Variants in TNFAIP8 observed in about 807,000 individuals in gnomAD.
TNFAIP8 encodes tumor necrosis factor alpha-induced protein 8.
TNFAIP8 carries 7 observed loss-of-function variants against 13.3 expected under a neutral mutation model. The ratio of observed to expected loss-of-function variants is 0.52; its 90% confidence interval spans 0.30 to 0.99. TNFAIP8 has a LOEUF of 0.99. Among genes scored for constraint, TNFAIP8 ranks in the 50% least tolerant of loss-of-function variants. TNFAIP8 has a pLI of 0.07. For missense variants in TNFAIP8, 258 were observed against 236.9 expected (o/e 1.09, Z -0.58); for synonymous variants, 94 against 87.6 (o/e 1.07, Z -0.41).
chr5:119,374,712 G>A (rs145621064), intron 1 of TNFAIP8, among the ~76,000 whole-genome samples: 60 of 152,288 alleles, frequency 3.9e-4, no homozygotes, highest in African/African-American at 1.3e-3. Context: ...ATATGCCTAC[G>A]GGAGCCAGGA....
chr5:119,377,406 T>TTA (rs1752324535), intron 1 of TNFAIP8, among the ~76,000 whole-genome samples: 1 of 148,676 alleles, frequency 6.7e-6, no homozygotes, highest in Non-Finnish European at 1.5e-5. Context: ...AAATAAGAAG[T>TTA]AAAAAAAAAA....
chr5:119,393,236 C>T lies in TNFAIP8; in HGVS notation c.452C>T (p.Ser151Leu). 6.2e-7 allele frequency: 1 copy of T among 1,613,998 alleles called. No homozygotes were observed. The highest frequency in any genetic ancestry group is 8.5e-7 in the Non-Finnish European group (1 of 1,179,898). ...QIIQRHLTAK[S>L]HGRVNNVFDH... ...ATTCAGCGCCACCTCACTGCCAAGT[C>T]ACATGGACGGGTTAATAATGTGTTT... is the stretch of plus-strand genomic sequence containing the variant. The change falls in exon 2 of 2, where the codon TCA becomes TTA. Residue 151 changes from serine to leucine, a missense_variant. By Grantham distance (145) the Ser-to-Leu change is moderately radical. Coordinates refer to ENST00000504771, the MANE Select transcript of TNFAIP8 (RefSeq NM_014350.4).
At chr5:119,271,902 C>T (rs1748305608) in intron 1 of TNFAIP8, among the ~76,000 whole-genome samples, 1 of 152,178 alleles carries the variant, frequency 6.6e-6, no homozygotes, top group Non-Finnish European at 1.5e-5. Flanking sequence ...TTATGTTTCC[C>T]TCTGGCTAAG....
intron 1 of TNFAIP8, among the ~76,000 whole-genome samples, chr5:119,305,080 T>C (rs1749510733): frequency 2.0e-5 from 3 of 152,180 alleles, no homozygotes; most frequent in Admixed American, 1.3e-4. Context: ...GGAAGAGCTA[T>C]TGGAAGTGTA....
At chr5:119,330,367 TG>T (rs1199954084) in intron 1 of TNFAIP8, among the ~76,000 whole-genome samples, 1 of 152,190 alleles carries the variant, frequency 6.6e-6, no homozygotes, top group Non-Finnish European at 1.5e-5. Context: ...CAGACACAAA[TG>T]TCATCACTCT....
chr5:119,379,261 C>T (rs749023191), intron 1 of TNFAIP8, among the ~76,000 whole-genome samples: 13 of 152,146 alleles, frequency 8.5e-5, no homozygotes, highest in Admixed American at 6.5e-5. Context: ...TAGTGCACCC[C>T]ATGCTAGCTG....
chr5:119,388,698 G>A (rs6888229), intron 1 of TNFAIP8, among the ~76,000 whole-genome samples: 2,707 of 152,090 alleles, frequency 0.018, 77 homozygotes, highest in African/African-American at 0.061. Flanking sequence ...GAGTACAGTG[G>A]CATGATTATA....
intron 1 of TNFAIP8, among the ~76,000 whole-genome samples, chr5:119,308,608 G>A (rs1749637173): frequency 6.6e-6 from 1 of 152,000 alleles, no homozygotes; most frequent in African/African-American, 2.4e-5. Flanking sequence ...GCTCATGCCT[G>A]TAATCCACCA....
intron 1 of TNFAIP8, among the ~76,000 whole-genome samples, chr5:119,272,622 C>T (rs1561977097): frequency 6.6e-6 from 1 of 152,216 alleles, no homozygotes; most frequent in East Asian, 1.9e-4. Flanking sequence ...TTACATCAGA[C>T]ATAAGTTACC....
intron 1 of TNFAIP8, among the ~76,000 whole-genome samples, chr5:119,307,327 G>T (rs545687833): frequency 1.1e-4 from 16 of 152,002 alleles, no homozygotes. Context: ...AAACAACCAC[G>T]TTTATATGTC....
At chr5:119,385,850 A>G (rs1045747405) in intron 1 of TNFAIP8, among the ~76,000 whole-genome samples, 4 of 152,242 alleles carry the variant, frequency 2.6e-5, no homozygotes, top group African/African-American at 9.6e-5. Context: ...TCTTTAACCT[A>G]TGAAGAAGGC....
At chr5:119,280,049 T>G (rs1193100803) in intron 1 of TNFAIP8, among the ~76,000 whole-genome samples, 1 of 152,222 alleles carries the variant, frequency 6.6e-6, no homozygotes, top group African/African-American at 2.4e-5. Context: ...TTTTTAATAC[T>G]TTTATTGTAA....
intron 1 of TNFAIP8, among the ~76,000 whole-genome samples, chr5:119,376,638 T>C (rs1476241548): frequency 1.4e-5 from 2 of 144,816 alleles, no homozygotes; most frequent in African/African-American, 2.7e-5. Flanking sequence ...TAAAGATTAA[T>C]TGGTCATTTA....
intron 1 of TNFAIP8, among the ~76,000 whole-genome samples, chr5:119,340,801 G>A (rs1459682637): frequency 2.6e-5 from 4 of 152,164 alleles, no homozygotes; most frequent in Non-Finnish European, 5.9e-5. Flanking sequence ...GCTGAGTGGC[G>A]GTTTGAATTG....
At chr5:119,346,639 C>G (rs1750909733) in intron 1 of TNFAIP8, among the ~76,000 whole-genome samples, 1 of 152,102 alleles carries the variant, frequency 6.6e-6, no homozygotes, top group East Asian at 1.9e-4. Flanking sequence ...CAGCAACCAC[C>G]AACAACCTAG....
chr5:119,391,290 T>G (rs1752880992), intron 1 of TNFAIP8: 1 of 680,830 alleles, frequency 1.5e-6, no homozygotes, highest in Non-Finnish European at 2.7e-6. Flanking sequence ...CATTGATGCC[T>G]TGACTCATTT....
intron 1 of TNFAIP8, among the ~76,000 whole-genome samples, chr5:119,283,773 C>A (rs1436652756): frequency 6.6e-6 from 1 of 152,096 alleles, no homozygotes; most frequent in Admixed American, 6.5e-5. Context: ...GAATTTCTTC[C>A]CAGGTGTAGT....
At chr5:119,364,924 T>G (rs564345919) in intron 1 of TNFAIP8, among the ~76,000 whole-genome samples, 6 of 140,896 alleles carry the variant, frequency 4.3e-5, no homozygotes, top group South Asian at 4.7e-4. Context: ...CCATCTTGGC[T>G]CACTGCAATG....
At chr5:119,306,133 C>G (rs1341024837) in intron 1 of TNFAIP8, among the ~76,000 whole-genome samples, 1 of 152,200 alleles carries the variant, frequency 6.6e-6, no homozygotes, top group Admixed American at 6.5e-5. Context: ...CCCTCTACCT[C>G]TAGCGTGGAG....
Sources: gnomAD v4.1 joint callset for allele counts (sites outside exome capture counted in the v4.1 genomes callset) on GRCh38, gnomAD v4.1.1 for gene constraint, MANE v1.5 for transcripts, NCBI Gene and HGNC (gene_info 2026-07-23, HGNC 2026-07-21) for gene names.